The following NRG1 variants were observed in gnomAD, a reference collection of about 807,000 sequenced individuals.
NRG1 encodes neuregulin 1.
Under a neutral mutation model 63.8 loss-of-function variants are expected in NRG1, and 18 were observed. That is an observed-to-expected ratio of 0.28 (90% CI 0.19 to 0.42). The LOEUF is 0.42. Ranked by LOEUF, NRG1 falls within the 10% of genes least tolerant of loss-of-function variation. NRG1 has a pLI of 1.00. For missense variants in NRG1, 762 were observed against 814.7 expected (o/e 0.94, Z 0.79); for synonymous variants, 302 against 301.3 (o/e 1.00, Z -0.02).
Position 31,863,969 on chromosome 8 carries a change from T to G in NRG1, c.37+224538T>G, listed in dbSNP as rs547345213. Among the ~76,000 whole-genome samples, 7 of 152,346 alleles carry G rather than the reference T, an allele frequency of 4.6e-5. No individual in the cohort carries two copies. The South Asian group carries it at 1.2e-3, about 27-fold the overall frequency. The stretch of plus-strand genomic sequence containing the variant: ...AAGATCTTCAACTTGTATAGTTGTA[T>G]TTCCAATTTTCAACATATGTTGAGT... On this transcript the variant is annotated intron_variant, in intron 1 of 10. Transcript: ENST00000519301.
chr8:31,876,858 T>C lies in NRG1; in HGVS notation c.37+237427T>C, dbSNP rs1585434557. ...CTGACACTTGGTTAAAAAATATACA[T>C]ATACATAAATAAAGTCAAACTCCAC... On this transcript the variant is annotated intron_variant, in intron 1 of 10. Transcript: ENST00000519301. Among the ~76,000 whole-genome samples, 3 of 152,284 alleles carry C rather than the reference T, an allele frequency of 2.0e-5. No homozygotes were observed. The East Asian group carries it at 5.8e-4, about 29-fold the overall frequency.
At chr8:32,245,069 T>G (rs1848476886) in intron 1 of NRG1, among the ~76,000 whole-genome samples, 1 of 152,048 alleles carries the variant, frequency 6.6e-6, no homozygotes, top group Non-Finnish European at 1.5e-5. Context: ...GACCTGAGCT[T>G]TTCACCAGAA....
At chr8:32,734,311 G>A (rs1052926465) in intron 6 of NRG1, among the ~76,000 whole-genome samples, 2 of 152,152 alleles carry the variant, frequency 1.3e-5, no homozygotes, top group African/African-American at 2.4e-5. Flanking sequence ...GGGGGCAACG[G>A]TACAAACTCA....
chr8:31,758,244 G>A (rs1817179615), intron 1 of NRG1, among the ~76,000 whole-genome samples: 1 of 152,024 alleles, frequency 6.6e-6, no homozygotes, highest in South Asian at 2.1e-4. Context: ...GGTGTGTGAT[G>A]TTCCCCGCTC....
rs1563428418 is a variant in NRG1, at chr8:32,412,432, A to ATATATG, written c.38-183391_38-183390insGTATAT. Among the ~76,000 whole-genome samples the ATATATG allele has an allele frequency of 7.2e-4, 28 of 39,108 alleles. 1 individual carries two copies. The highest frequency in any genetic ancestry group is 1.5e-3 in the African/African-American group (23 of 14,842). The allele number at this position is 39,108 out of a possible 152,430, so 25.7% of individuals were successfully genotyped here. A position where few individuals can be genotyped will look rare whatever the true frequency, so the allele number is the denominator to read the frequency against. ...TCTCTCTCTCTCTCTACATATATAT[A>ATATATG]TATATATATATATATATATACATAT... On this transcript the variant is annotated intron_variant, in intron 1 of 10. Coordinates refer to the NRG1 transcript ENST00000519301.
intron 1 of NRG1, among the ~76,000 whole-genome samples, chr8:31,851,247 G>C (rs1178300182): frequency 6.6e-6 from 1 of 152,126 alleles, no homozygotes; most frequent in Non-Finnish European, 1.5e-5. Context: ...GTAAATGTTT[G>C]ATGGTGTCTT....
rs3084577 is a variant in NRG1, at chr8:32,127,528, C to CGTGTGTGTGTGTGT, written c.38-468283_38-468270dup. Among the ~76,000 whole-genome samples the CGTGTGTGTGTGTGT allele has an allele frequency of 5.4e-3, 785 of 146,360 alleles. 3 individuals are homozygous for CGTGTGTGTGTGTGT. Among genetic ancestry groups the CGTGTGTGTGTGTGT allele is most frequent in the Non-Finnish European group, 7.2e-3 (478 of 66,338 alleles). On this transcript the variant is annotated intron_variant, in intron 1 of 10. Coordinates refer to the NRG1 transcript ENST00000519301. The stretch of plus-strand genomic sequence containing the variant: ...TGGGTGGAATGTGTGTGTATCTGCA[C>CGTGTGTGTGTGTGT]GTGTGTGTGTGTGTGTGTGTGTGTG...
chr8:31,809,730 T>G (rs1177837179), intron 1 of NRG1, among the ~76,000 whole-genome samples: 1 of 147,148 alleles, frequency 6.8e-6, no homozygotes, highest in Non-Finnish European at 1.5e-5. Context: ...TTTCTACTCC[T>G]TCTATTAATT....
At chr8:32,285,450 C>T (rs1436281416) in intron 1 of NRG1, among the ~76,000 whole-genome samples, 1 of 152,176 alleles carries the variant, frequency 6.6e-6, no homozygotes, top group Non-Finnish European at 1.5e-5. Flanking sequence ...CAGTGATTAT[C>T]TGGGAGTCCA....
intron 1 of NRG1, among the ~76,000 whole-genome samples, chr8:32,411,839 T>A (rs1216448214): frequency 6.6e-6 from 1 of 152,206 alleles, no homozygotes; most frequent in Non-Finnish European, 1.5e-5. Context: ...TCTAGCCATC[T>A]TATTCTAAAA....
chr8:32,708,878 C>T (rs1230575170), intron 5 of NRG1, among the ~76,000 whole-genome samples: 1 of 152,184 alleles, frequency 6.6e-6, no homozygotes, highest in African/African-American at 2.4e-5. Flanking sequence ...GTCATTACCC[C>T]GGGACAGCTT....
At chr8:31,669,850 C>CA (rs1806941274) in intron 1 of NRG1, among the ~76,000 whole-genome samples, 1 of 152,012 alleles carries the variant, frequency 6.6e-6, no homozygotes, top group Non-Finnish European at 1.5e-5. Flanking sequence ...TGTGTGTGCA[C>CA]CTGTGTTTTG....
chr8:32,746,710 T>C (rs1183647195), intron 7 of NRG1, among the ~76,000 whole-genome samples: 1 of 152,108 alleles, frequency 6.6e-6, no homozygotes, highest in African/African-American at 2.4e-5. Flanking sequence ...AAACTTTGTG[T>C]TTTTGAATTA....
At chr8:31,905,119 G>A (rs1281847364) in intron 1 of NRG1, among the ~76,000 whole-genome samples, 1 of 152,060 alleles carries the variant, frequency 6.6e-6, no homozygotes, top group Non-Finnish European at 1.5e-5. Context: ...AAGACCCATA[G>A]GACAGTAGTA....
At chr8:32,725,464 ATTTTTTTTT>A (rs71209904) in intron 5 of NRG1, among the ~76,000 whole-genome samples, 6 of 67,540 alleles carry the variant, frequency 8.9e-5, no homozygotes, top group South Asian at 8.0e-4. Flanking sequence ...AAACTTCCTA[ATTTTTTTTT>A]TTTTTTTTTT....
At chr8:31,863,734 C>G (rs1399622448) in intron 1 of NRG1, among the ~76,000 whole-genome samples, 1 of 152,146 alleles carries the variant, frequency 6.6e-6, no homozygotes, top group Non-Finnish European at 1.5e-5. Flanking sequence ...CCAATTAACC[C>G]AACTTTTAGC....
intron 1 of NRG1, among the ~76,000 whole-genome samples, chr8:32,567,658 A>C (rs2129528073): frequency 6.6e-6 from 1 of 152,296 alleles, no homozygotes; most frequent in South Asian, 2.1e-4. Context: ...TTTTTTATAT[A>C]AACTGTTGTG....
chr8:31,681,152 TA>T (rs1808305000), intron 1 of NRG1, among the ~76,000 whole-genome samples: 1 of 151,878 alleles, frequency 6.6e-6, no homozygotes. Flanking sequence ...ACATCACACA[TA>T]AAAAAATCAA....
chr8:31,754,243 A>G (rs942247485), intron 1 of NRG1, among the ~76,000 whole-genome samples: 4 of 152,094 alleles, frequency 2.6e-5, no homozygotes, highest in Non-Finnish European at 5.9e-5. Context: ...TCTAATTCCC[A>G]ATGTTGGAGG....
Sources: gnomAD v4.1 joint callset for allele counts (sites outside exome capture counted in the v4.1 genomes callset) on GRCh38, gnomAD v4.1.1 for gene constraint, MANE v1.5 for transcripts, NCBI Gene and HGNC (gene_info 2026-07-23, HGNC 2026-07-21) for gene names.